Variants in DLGAP1 observed in about 807,000 individuals in gnomAD.
DLGAP1 encodes the protein disks large-associated protein 1.
Under a neutral mutation model 90.8 loss-of-function variants are expected in DLGAP1, and 11 were observed. The ratio of observed to expected loss-of-function variants is 0.12; its 90% CI spans 0.08 to 0.20. DLGAP1 has a LOEUF of 0.20. Among genes scored for constraint, DLGAP1 ranks in the 10% least tolerant of loss-of-function variants. DLGAP1 has a pLI of 1.00. For synonymous variants in DLGAP1, 558 were observed against 540.7 expected, an observed-to-expected ratio of 1.03 and a Z score of -0.44; for missense variants, 1,050 against 1,333.8, an observed-to-expected ratio of 0.79 and a Z score of 3.31.
At chr18:3,799,893 C>T (rs1302230446) in intron 5 of DLGAP1, among the ~76,000 whole-genome samples, 1 of 152,070 alleles carries the variant, frequency 6.6e-6, no homozygotes, top group Non-Finnish European at 1.5e-5. Context: ...GGATCTTAAC[C>T]TGTTATCTGA....
chr18:3,714,546 C>T (rs773349784), intron 7 of DLGAP1, among the ~76,000 whole-genome samples: 9 of 151,876 alleles, frequency 5.9e-5, no homozygotes, highest in Non-Finnish European at 1.3e-4. Context: ...CTTTGGTTTG[C>T]TCATCATCTT....
intron 2 of DLGAP1, among the ~76,000 whole-genome samples, chr18:4,068,047 C>T (rs12605028): frequency 0.44 from 66,363 of 151,698 alleles, 15,578 homozygotes; most frequent in African/African-American, 0.61. Context: ...ATATGTATTA[C>T]ACTTATATAT....
intron 3 of DLGAP1, among the ~76,000 whole-genome samples, chr18:3,992,410 G>T (rs1319311466): frequency 6.6e-6 from 1 of 152,178 alleles, no homozygotes; most frequent in Non-Finnish European, 1.5e-5. Flanking sequence ...GGGTACGGTG[G>T]TTTACGCCTG....
At chr18:3,796,350 G>T (rs2065990884) in intron 5 of DLGAP1, among the ~76,000 whole-genome samples, 1 of 151,864 alleles carries the variant, frequency 6.6e-6, no homozygotes, top group Non-Finnish European at 1.5e-5. Flanking sequence ...TTTTGGTTCT[G>T]CCCATGACCT....
intron 7 of DLGAP1, among the ~76,000 whole-genome samples, chr18:3,648,739 G>A (rs987332284): frequency 1.3e-5 from 2 of 152,130 alleles, no homozygotes; most frequent in African/African-American, 4.8e-5. Context: ...ACTTTCACTA[G>A]ACTGCCAAAA....
intron 7 of DLGAP1, among the ~76,000 whole-genome samples, chr18:3,688,666 CA>C (rs1598356768): frequency 1.1e-4 from 4 of 36,512 alleles, no homozygotes; most frequent in African/African-American, 5.6e-4. Context: ...CACACACACA[CA>C]CCCTACCAAA....
chr18:4,199,624 ACT>A lies in DLGAP1; in HGVS notation c.-266-48339_-266-48338del, dbSNP rs1222619146. ...ATATAACAGCCACATCTACAGGGAGACTCTGACTTCTGGATCCGCCTTTAGAA... is the reference window on the plus strand; with the variant it reads ...ATATAACAGCCACATCTACAGGGAGACTGACTTCTGGATCCGCCTTTAGAA... On this transcript the variant is annotated intron_variant, in intron 1 of 12. Transcript: ENST00000315677. Among the ~76,000 whole-genome samples, 3 of 152,210 alleles carry A rather than the reference ACT, an allele frequency of 2.0e-5. No individual in the cohort carries two copies. In the East Asian group the frequency reaches 5.8e-4, roughly 29 times the overall value.
At position 3,526,290 on chromosome 18, in the gene DLGAP1, A is replaced by ACTGTTTCACAGGC. The variant is rs2051613671; in HGVS notation, c.2479+7891_2479+7903dup. ...ACAGATACAGCTTTGTCTGCCACCC[A>ACTGTTTCACAGGC]CTGTTTCACAGGCCGCAGAGACACA... On this transcript the variant is annotated intron_variant, in intron 10 of 12. Coordinates refer to ENST00000315677, the MANE Select transcript of DLGAP1 (RefSeq NM_004746.4). The surrounding 1 kb of genome is among the most constrained non-coding windows in gnomAD (Gnocchi z 4.7). 6.6e-6 allele frequency among the ~76,000 whole-genome samples: 1 copy of ACTGTTTCACAGGC among 152,180 alleles called. No individual in the cohort carries two copies.
chr18:4,396,111 T>C (rs1242381500), intron 1 of DLGAP1, among the ~76,000 whole-genome samples: 1 of 152,172 alleles, frequency 6.6e-6, no homozygotes, highest in Non-Finnish European at 1.5e-5. Context: ...ACTGTTAGTC[T>C]TTTCCAGATG....
At chr18:4,269,352 A>ATTTTT (rs1354735064) in intron 1 of DLGAP1, among the ~76,000 whole-genome samples, 29 of 131,242 alleles carry the variant, frequency 2.2e-4, no homozygotes, top group South Asian at 6.8e-4. Flanking sequence ...ATATATATAT[A>ATTTTT]TATTTTTTTT....
chr18:3,959,741 C>CA (rs1380205294), intron 3 of DLGAP1, among the ~76,000 whole-genome samples: 1 of 151,914 alleles, frequency 6.6e-6, no homozygotes, highest in Non-Finnish European at 1.5e-5. Flanking sequence ...CCAGTAGTTA[C>CA]ACTGAAGAAA....
chr18:3,925,651 C>T lies in DLGAP1; in HGVS notation c.-72-45511G>A, dbSNP rs149945837. 3.9e-3 allele frequency among the ~76,000 whole-genome samples: 586 copies of T among 152,194 alleles called. 3 individuals are homozygous for T. Among genetic ancestry groups the T allele is most frequent in the African/African-American group, 0.014 (571 of 41,498 alleles). ...ATATGTTTAAAGACCTTCATACTTCCGGGCACACAGATCTCAGTAAGACAT... is the reference window on the plus strand; with the variant it reads ...ATATGTTTAAAGACCTTCATACTTCTGGGCACACAGATCTCAGTAAGACAT... On this transcript the variant is annotated intron_variant, in intron 3 of 12. Transcript: ENST00000315677.
rs1406466689 is a variant in DLGAP1 at position 3,567,944 on chromosome 18, G to A, written c.1966-363C>T. On this transcript the variant is annotated intron_variant, in intron 8 of 12. Transcript: ENST00000315677. ...AATAGAGTTTCCCTCTGTCGCCCGGGCTGGAGTGCTGTGGTGTGATCTCAG... is the reference window on the plus strand; with the variant it reads ...AATAGAGTTTCCCTCTGTCGCCCGGACTGGAGTGCTGTGGTGTGATCTCAG... Among the ~76,000 whole-genome samples, 3 of 151,930 alleles carry A rather than the reference G, an allele frequency of 2.0e-5. No homozygotes were observed. In the East Asian group the frequency reaches 5.8e-4, roughly 29 times the overall value.
chr18:4,424,622 C>T (rs2083111568), intron 1 of DLGAP1, among the ~76,000 whole-genome samples: 2 of 152,018 alleles, frequency 1.3e-5, no homozygotes, highest in Admixed American at 1.3e-4. Flanking sequence ...CTGGGAATGC[C>T]TTCAAACTGT....
intron 6 of DLGAP1, among the ~76,000 whole-genome samples, chr18:3,732,577 ACT>A (rs2062479655): frequency 6.6e-6 from 1 of 152,218 alleles, no homozygotes; most frequent in South Asian, 2.1e-4. Context: ...TATCACATTA[ACT>A]CATAGATTTA....
intron 2 of DLGAP1, among the ~76,000 whole-genome samples, chr18:4,028,887 G>A (rs1297754449): frequency 6.6e-6 from 1 of 152,002 alleles, no homozygotes; most frequent in Non-Finnish European, 1.5e-5. Context: ...CAAGCAAGTA[G>A]CATTTTTACT....
chr18:4,012,858 C>T (rs2074451697), intron 2 of DLGAP1, among the ~76,000 whole-genome samples: 1 of 151,852 alleles, frequency 6.6e-6, no homozygotes, highest in Admixed American at 6.6e-5. Flanking sequence ...GCCACCATGG[C>T]CAGCTAATTA....
At chr18:4,161,903 G>A (rs1568427782) in intron 1 of DLGAP1, among the ~76,000 whole-genome samples, 1 of 152,120 alleles carries the variant, frequency 6.6e-6, no homozygotes, top group Non-Finnish European at 1.5e-5. Context: ...CACCTAAGAT[G>A]ACACAGTAAA....
intron 4 of DLGAP1, chr18:3,845,216 A>T: frequency 6.2e-7 from 1 of 1,611,916 alleles, no homozygotes. Flanking sequence ...ATAGCCCAGA[A>T]TTGCTATTAG....
Sources: gnomAD v4.1 joint callset for allele counts (sites outside exome capture counted in the v4.1 genomes callset) on GRCh38, gnomAD v4.1.1 for gene constraint, Gnocchi (gnomAD v3.1) non-coding constraint, MANE v1.5 for transcripts, NCBI Gene and HGNC (gene_info 2026-07-23, HGNC 2026-07-21) for gene names.